Variants in WDR72 observed in about 807,000 individuals in gnomAD.
WDR72 encodes the protein WD repeat-containing protein 72.
A neutral mutation model predicts 124.2 loss-of-function variants in WDR72; 120 were observed. The ratio of observed to expected loss-of-function variants is 0.97; its 90% CI spans 0.83 to 1.12. The LOEUF (loss-of-function observed/expected upper bound fraction) is 1.12, where lower values mean the gene tolerates loss of function less well. WDR72 is among the 50% of genes most tolerant of loss of function. The pLI is 0.00. For synonymous variants in WDR72, 452 were observed against 441.7 expected (o/e 1.02, Z -0.29); for missense variants, 1,387 against 1,278.8 (o/e 1.08, Z -1.29).
intron 2 of WDR72, among the ~76,000 whole-genome samples, chr15:53,731,164 T>A (rs1425847818): frequency 6.6e-6 from 1 of 152,128 alleles, no homozygotes; most frequent in Non-Finnish European, 1.5e-5. Flanking sequence ...CCTCTATAGT[T>A]CTCGAGAATT....
In WDR72 at chr15:53,716,706, G is replaced by A. The variant is rs1030616690; in HGVS notation, c.261-21C>T. 5 of 1,549,162 alleles carry A rather than the reference G, an allele frequency of 3.2e-6. No homozygotes were observed. The African/African-American group carries it at 6.8e-5, about 21-fold the overall frequency. On this transcript the variant is annotated intron_variant, in intron 3 of 19. Transcript: ENST00000360509. ...TCTCCCTAGCAGAAGATAACTTTGTGTTATTCTCTGTCATTTCCACTCAAT... is the reference window on the plus strand; with the variant it reads ...TCTCCCTAGCAGAAGATAACTTTGTATTATTCTCTGTCATTTCCACTCAAT...
intron 14 of WDR72, among the ~76,000 whole-genome samples, chr15:53,623,921 T>C (rs1007976782): frequency 6.6e-6 from 1 of 152,234 alleles, no homozygotes. Context: ...TAGAGTTGCA[T>C]TTCTATGATA....
In WDR72 at chr15:53,615,831, A is replaced by G; in HGVS notation, c.2375T>C (p.Ile792Thr). The change falls in exon 15 of 20, where the codon ATA becomes ACA. Residue 792 changes from isoleucine (I) to threonine (T), a missense_variant. Ile to Thr is a moderately conservative substitution (Grantham distance 89, BLOSUM62 -1). Coordinates refer to ENST00000360509, the MANE Select transcript of WDR72 (RefSeq NM_182758.4). ...PSRKVDASLT[I>T]DTAKLFLSCL... ...AGACAGAAACAATTTTGCTGTGTCT[A>G]TTGTGAGACTGGCATCTACTTTTCT... The G allele has an allele frequency of 6.2e-7, 1 of 1,613,640 alleles. No individual in the cohort carries two copies. Among genetic ancestry groups the G allele is most frequent in the Non-Finnish European group, 8.5e-7 (1 of 1,179,674 alleles).
At chr15:53,525,062 C>T (rs1019780628) in intron 18 of WDR72, among the ~76,000 whole-genome samples, 1 of 152,004 alleles carries the variant, frequency 6.6e-6, no homozygotes, top group Non-Finnish European at 1.5e-5. Flanking sequence ...TAGTTTGTGA[C>T]ATGGAAGGAG....
intron 14 of WDR72, among the ~76,000 whole-genome samples, chr15:53,624,417 C>T (rs537017389): frequency 3.0e-4 from 46 of 152,376 alleles, no homozygotes; most frequent in Middle Eastern, 6.8e-3. Flanking sequence ...CTATGCACTT[C>T]CACTTCCTCA....
intron 18 of WDR72, among the ~76,000 whole-genome samples, chr15:53,536,733 T>C (rs1044640109): frequency 1.3e-5 from 2 of 152,092 alleles, no homozygotes; most frequent in Non-Finnish European, 2.9e-5. Flanking sequence ...AAGCTAAAAG[T>C]TTTAAACAAT....
intron 13 of WDR72, among the ~76,000 whole-genome samples, chr15:53,672,748 T>C (rs562117770): frequency 6.6e-6 from 1 of 152,322 alleles, no homozygotes; most frequent in South Asian, 2.1e-4. Context: ...ACACTTCAAT[T>C]CCCTTCCAAA....
chr15:53,639,733 C>T lies in WDR72; in HGVS notation c.1963-23490G>A, dbSNP rs184552741. 3.3e-3 allele frequency among the ~76,000 whole-genome samples: 507 copies of T among 151,928 alleles called. 1 individual carries two copies. Among genetic ancestry groups the T allele is most frequent in the African/African-American group, 0.012 (484 of 41,462 alleles). ...CCCTGCCTTTGTGTCTCTTTTCATG[C>T]GGAAAGTGCCCTAACACCCATCTAC... On this transcript the variant is annotated intron_variant, in intron 14 of 19. Transcript: ENST00000360509.
At position 53,733,062 on chromosome 15, in the gene WDR72, G is replaced by T; in HGVS notation, c.88C>A (p.Arg30=). ...ITAIMITDDQ[R]TIVTGSQEGQ... Reference sequence around the variant, plus strand: ...TCTTGACTTCCAGTCACAATCGTTCGCTGGTCATCAGTGATCATGATGGCA... The same window carrying T: ...TCTTGACTTCCAGTCACAATCGTTCTCTGGTCATCAGTGATCATGATGGCA... The change falls in exon 2 of 20, where the codon CGA becomes AGA. Residue 30 remains arginine, a synonymous_variant. Coordinates refer to ENST00000360509, the MANE Select transcript of WDR72 (RefSeq NM_182758.4). The T allele has an allele frequency of 6.2e-7, 1 of 1,614,006 alleles. No homozygotes were observed. Among genetic ancestry groups the T allele is most frequent in the Non-Finnish European group, 8.5e-7 (1 of 1,179,944 alleles).
At chr15:53,598,940 A>G (rs899427925) in intron 17 of WDR72, among the ~76,000 whole-genome samples, 2 of 152,036 alleles carry the variant, frequency 1.3e-5, no homozygotes, top group Non-Finnish European at 1.5e-5. Context: ...CCTGGTTGAC[A>G]TGGTGAAACC....
In WDR72 at chr15:53,722,830, G is replaced by A; in HGVS notation, c.232C>T (p.Pro78Ser). ...TTTTCAGCAGCACTAACAATGTAGGGCTGTTTAGAGAAGTCCCTTGCTCTT... is the reference window on the plus strand; with the variant it reads ...TTTTCAGCAGCACTAACAATGTAGGACTGTTTAGAGAAGTCCCTTGCTCTT... Reference protein sequence around the residue: ...LARARDFSKQPYIVSAAENGE... With the variant: ...LARARDFSKQSYIVSAAENGE... The change falls in exon 3 of 20, where the codon CCC becomes TCC. Residue 78 changes from proline to serine, a missense_variant. By Grantham distance (74) the Pro-to-Ser change is moderately conservative. Coordinates refer to ENST00000360509, the MANE Select transcript of WDR72 (RefSeq NM_182758.4). 6.2e-7 allele frequency: 1 copy of A among 1,614,076 alleles called. No individual in the cohort carries two copies. The highest frequency in any genetic ancestry group is 8.5e-7 in the Non-Finnish European group (1 of 1,179,986).
intron 14 of WDR72, among the ~76,000 whole-genome samples, chr15:53,663,177 G>C (rs1415275260): frequency 6.6e-6 from 1 of 151,896 alleles, no homozygotes; most frequent in Non-Finnish European, 1.5e-5. Flanking sequence ...GTGTATAATA[G>C]ACATTGAAGA....
Position 53,691,600 on chromosome 15 carries a change from T to TAGACAGAC in WDR72, c.1765+8142_1765+8149dup, listed in dbSNP as rs140193304. Among the ~76,000 whole-genome samples the TAGACAGAC allele has an allele frequency of 2.3e-4, 31 of 137,472 alleles. 1 individual carries two copies. Among genetic ancestry groups the TAGACAGAC allele is most frequent in the South Asian group, 4.7e-4 (2 of 4,290 alleles). The allele number at this position is 137,472 out of a possible 152,430, so 90.2% of individuals were successfully genotyped here. On this transcript the variant is annotated intron_variant, in intron 13 of 19. Coordinates refer to ENST00000360509, the MANE Select transcript of WDR72 (RefSeq NM_182758.4). The stretch of plus-strand genomic sequence containing the variant: ...TTATTACAGCAAACATGTAAAATGA[T>TAGACAGAC]AGACAGACAGACAGACAGACAGATA...
chr15:53,591,980 C>G (rs2012530620), intron 18 of WDR72, among the ~76,000 whole-genome samples: 2 of 152,022 alleles, frequency 1.3e-5, no homozygotes, highest in Admixed American at 6.6e-5. Flanking sequence ...TCCACTATAT[C>G]TTCAGCACAC....
intron 14 of WDR72, among the ~76,000 whole-genome samples, chr15:53,662,509 C>G (rs755858243): frequency 6.6e-6 from 1 of 152,138 alleles, no homozygotes; most frequent in Non-Finnish European, 1.5e-5. Flanking sequence ...GAATATTTCA[C>G]CTGTGTCTTA....
intron 18 of WDR72, among the ~76,000 whole-genome samples, chr15:53,556,063 T>G (rs1893920528): frequency 6.6e-6 from 1 of 152,144 alleles, no homozygotes; most frequent in South Asian, 2.1e-4. Context: ...AATGTTTGGA[T>G]GACAATGTAT....
At chr15:53,666,806 T>C (rs1176464235) in intron 13 of WDR72, among the ~76,000 whole-genome samples, 1 of 152,180 alleles carries the variant, frequency 6.6e-6, no homozygotes, top group Non-Finnish European at 1.5e-5. Context: ...TTGAAGATTA[T>C]GACTATTCTA....
chr15:53,665,124 T>A (rs1022443340), intron 14 of WDR72, among the ~76,000 whole-genome samples: 1 of 152,156 alleles, frequency 6.6e-6, no homozygotes, highest in African/African-American at 2.4e-5. Flanking sequence ...AGGCTTGGAA[T>A]CCTAGAGAGT....
intron 13 of WDR72, among the ~76,000 whole-genome samples, chr15:53,686,732 C>G (rs1417253670): frequency 6.7e-6 from 1 of 149,860 alleles, no homozygotes; most frequent in African/African-American, 2.5e-5. Flanking sequence ...CTACAGAACT[C>G]TCCACCCCAA....
Sources: gnomAD v4.1 joint callset for allele counts (sites outside exome capture counted in the v4.1 genomes callset) on GRCh38, gnomAD v4.1.1 for gene constraint, MANE v1.5 for transcripts, NCBI Gene and HGNC (gene_info 2026-07-23, HGNC 2026-07-21) for gene names.